MDGA2: variants seen among roughly 807,000 people sequenced by gnomAD.
The protein encoded by MDGA2 is MAM domain containing glycosylphosphatidylinositol anchor 2, also known as MAM domain-containing glycosylphosphatidylinositol anchor protein 2.
A neutral mutation model predicts 117.8 loss-of-function variants in MDGA2; 40 were observed. That is an observed-to-expected ratio of 0.34 (90% CI 0.26 to 0.44). The LOEUF is 0.44. MDGA2 is among the 20% of genes least tolerant of loss of function. The pLI is 1.00. For synonymous variants in MDGA2, 452 were observed against 439.0 expected (o/e 1.03, Z -0.37); for missense variants, 1,123 against 1,250.6 (o/e 0.90, Z 1.54).
intron 5 of MDGA2, among the ~76,000 whole-genome samples, chr14:47,122,353 A>G (rs1339816407): frequency 6.6e-6 from 1 of 151,978 alleles, no homozygotes; most frequent in African/African-American, 2.4e-5. Context: ...TAAGACTTGA[A>G]TCTTACATGG....
chr14:47,503,680 A>T (rs1894450575), intron 1 of MDGA2, among the ~76,000 whole-genome samples: 1 of 152,164 alleles, frequency 6.6e-6, no homozygotes, highest in Non-Finnish European at 1.5e-5. Context: ...CTGAGATTAC[A>T]GGCGTGAGCC....
chr14:47,555,347 T>G (rs1455619909), intron 1 of MDGA2, among the ~76,000 whole-genome samples: 1 of 152,078 alleles, frequency 6.6e-6, no homozygotes, highest in Non-Finnish European at 1.5e-5. Context: ...TGTGGAGAGT[T>G]TGTAAGTTGT....
At chr14:46,957,763 G>C (rs1885622319) in intron 8 of MDGA2, 120 bp from the exon 9 acceptor site, 1 of 1,110,860 alleles carries the variant, frequency 9.0e-7, no homozygotes, top group Non-Finnish European at 1.3e-6. Context: ...AGTGTAGGAG[G>C]TGAATGAAGA....
intron 1 of MDGA2, among the ~76,000 whole-genome samples, chr14:47,420,269 A>G (rs1656705991): frequency 6.6e-6 from 1 of 152,160 alleles, no homozygotes; most frequent in South Asian, 2.1e-4. Flanking sequence ...TAATTCTGGC[A>G]TAGTAACACA....
At chr14:47,665,289 GC>G (rs1897923238) in intron 1 of MDGA2, among the ~76,000 whole-genome samples, 1 of 152,152 alleles carries the variant, frequency 6.6e-6, no homozygotes, top group East Asian at 1.9e-4. Context: ...ATTTCTCATA[GC>G]CTTATTTTAT....
intron 1 of MDGA2, among the ~76,000 whole-genome samples, chr14:47,601,253 A>G (rs559714333): frequency 5.1e-4 from 78 of 152,304 alleles, no homozygotes; most frequent in Middle Eastern, 3.4e-3. Context: ...TCTAATATTT[A>G]AAGAGAACAA....
rs925043436 is a variant in MDGA2 at position 47,232,056 on chromosome 14, A to G, written c.421-13861T>C. 3.3e-5 allele frequency among the ~76,000 whole-genome samples: 5 copies of G among 152,166 alleles called. No homozygotes were observed. The South Asian group carries it at 6.2e-4, about 19-fold the overall frequency. On this transcript the variant is annotated intron_variant, in intron 2 of 16. Transcript: ENST00000399232. ...CACTCATCATCTCATTCCACTTTTG[A>G]CTAGAAAGTCTTCTTTCAATTCAGG...
chr14:47,111,225 C>G lies in MDGA2; in HGVS notation c.926-14102G>C, dbSNP rs75087507. Among the ~76,000 whole-genome samples the G allele has an allele frequency of 4.6e-4, 70 of 152,230 alleles. No homozygotes were observed. In the East Asian group the frequency reaches 0.013, roughly 29 times the overall value. ...AACACTTTTGATAACCCCTAAGTCA[C>G]ACAGCTAGTGAAAAGTGAAGCTGGG... On this transcript the variant is annotated intron_variant, in intron 5 of 16. Coordinates refer to ENST00000399232, the MANE Select transcript of MDGA2 (RefSeq NM_001113498.3).
At chr14:46,964,586 T>G (rs1233288789) in intron 8 of MDGA2, among the ~76,000 whole-genome samples, 2 of 152,156 alleles carry the variant, frequency 1.3e-5, no homozygotes, top group Non-Finnish European at 2.9e-5. Flanking sequence ...AGGACAAAGG[T>G]ATCCGGGAGC....
Position 46,845,947 on chromosome 14 carries a change from A to G in MDGA2, c.2884-76T>C, listed in dbSNP as rs1594990300. On this transcript the variant is annotated intron_variant, in intron 15 of 16. Transcript: ENST00000399232. ...CAGTTTCTCTTGAGAAATCAAGGTG[A>G]CAAAAATAAACTTGTCAGTAATCCT... 18 of 1,040,688 alleles carry G rather than the reference A, an allele frequency of 1.7e-5. No homozygotes were observed. In the East Asian group the frequency reaches 4.4e-4, roughly 25 times the overall value. The allele number at this position is 1,040,688 out of a possible 1,614,324, so 64.5% of individuals were successfully genotyped here. A position where few individuals can be genotyped will look rare whatever the true frequency, so the allele number is the denominator to read the frequency against.
At chr14:47,114,194 A>G (rs1040462582) in intron 5 of MDGA2, among the ~76,000 whole-genome samples, 4 of 151,952 alleles carry the variant, frequency 2.6e-5, no homozygotes, top group Non-Finnish European at 5.9e-5. Flanking sequence ...AGAATAAAAT[A>G]CCAAAGGAAT....
chr14:47,313,714 G>A (rs1273124377), intron 1 of MDGA2, among the ~76,000 whole-genome samples: 1 of 152,176 alleles, frequency 6.6e-6, no homozygotes, highest in Non-Finnish European at 1.5e-5. Flanking sequence ...ATTAGTAAAT[G>A]TAATAAGTAA....
At chr14:47,591,179 G>A (rs1405165248) in intron 1 of MDGA2, among the ~76,000 whole-genome samples, 1 of 152,028 alleles carries the variant, frequency 6.6e-6, no homozygotes, top group African/African-American at 2.4e-5. Context: ...TACGGCAAAA[G>A]AAAACCGCTA....
chr14:47,644,221 A>C (rs1179516363), intron 1 of MDGA2, among the ~76,000 whole-genome samples: 4 of 152,198 alleles, frequency 2.6e-5, no homozygotes, highest in African/African-American at 9.6e-5. Flanking sequence ...AGAACTTTGA[A>C]AATGTGATTA....
chr14:47,566,254 C>G lies in MDGA2; in HGVS notation c.280+108263G>C, dbSNP rs117818533. On this transcript the variant is annotated intron_variant, in intron 1 of 16. Coordinates refer to ENST00000399232, the MANE Select transcript of MDGA2 (RefSeq NM_001113498.3). ...GATGGTAAGGTATGGTCTGCTAGTA[C>G]AGGAGCTATGATGTATGCCCTTGAA... Among the ~76,000 whole-genome samples the G allele has an allele frequency of 0.011, 1,599 of 152,260 alleles. 42 individuals carry two copies. In the East Asian group the frequency reaches 0.12, roughly 12 times the overall value.
chr14:46,970,425 T>C (rs949354422), intron 8 of MDGA2, among the ~76,000 whole-genome samples: 13 of 152,124 alleles, frequency 8.5e-5, no homozygotes, highest in East Asian at 3.9e-4. Context: ...ACAATTTGTA[T>C]AGTGCCAAGA....
At chr14:46,948,265 A>G (rs570564095) in intron 9 of MDGA2, among the ~76,000 whole-genome samples, 1 of 152,066 alleles carries the variant, frequency 6.6e-6, no homozygotes, top group East Asian at 1.9e-4. Flanking sequence ...TCTTGCTTTC[A>G]TAATTGTTTT....
At chr14:47,511,123 A>G (rs1165847428) in intron 1 of MDGA2, among the ~76,000 whole-genome samples, 2 of 152,338 alleles carry the variant, frequency 1.3e-5, no homozygotes, top group East Asian at 1.9e-4. Flanking sequence ...TATTTCATTC[A>G]TTAGTGTTCC....
chr14:47,298,031 C>G (rs928967295), intron 2 of MDGA2, among the ~76,000 whole-genome samples: 1 of 151,914 alleles, frequency 6.6e-6, no homozygotes, highest in African/African-American at 2.4e-5. Context: ...TATACACACA[C>G]AGAATATATG....
Sources: allele counts gnomAD v4.1 joint callset (sites outside exome capture counted in the v4.1 genomes callset), GRCh38; gene constraint gnomAD v4.1.1; transcripts MANE v1.5; gene names NCBI Gene and HGNC (gene_info 2026-07-23, HGNC 2026-07-21).